The following DMXL2 variants were observed in gnomAD, a reference collection of about 807,000 sequenced individuals.
DMXL2 encodes the protein dmX-like protein 2.
DMXL2 carries 103 observed loss-of-function variants against 331.1 expected under a neutral mutation model. That is an observed-to-expected ratio of 0.31 (90% CI 0.27 to 0.37). The LOEUF is 0.37. DMXL2 is among the 10% of genes least tolerant of loss of function. The pLI is 1.00. For missense variants in DMXL2, 3,171 were observed against 3,642.9 expected, an observed-to-expected ratio of 0.87 and a Z score of 3.33; for synonymous variants, 1,281 against 1,252.1, an observed-to-expected ratio of 1.02 and a Z score of -0.49.
intron 36 of DMXL2, 31 bp from the exon 37 acceptor site, chr15:51,457,497 C>T (rs2039733290): frequency 1.2e-6 from 2 of 1,608,438 alleles, no homozygotes; most frequent in African/African-American, 2.7e-5. Context: ...TTACTGTGAA[C>T]ATTCCCTTTT....
At chr15:51,562,825 G>A (rs2050051225) in intron 6 of DMXL2, among the ~76,000 whole-genome samples, 1 of 152,158 alleles carries the variant, frequency 6.6e-6, no homozygotes. Context: ...TATATTAGAT[G>A]TGAAGATGAT....
intron 6 of DMXL2, among the ~76,000 whole-genome samples, chr15:51,547,928 C>T (rs572355880): frequency 6.6e-6 from 1 of 152,202 alleles, no homozygotes; most frequent in Non-Finnish European, 1.5e-5. Context: ...AGGTCTATGA[C>T]ACAGATTCTT....
intron 6 of DMXL2, among the ~76,000 whole-genome samples, chr15:51,563,106 C>CA (rs2050070126): frequency 6.6e-6 from 1 of 152,110 alleles, no homozygotes; most frequent in Non-Finnish European, 1.5e-5. Flanking sequence ...AAGTTATGTA[C>CA]ATATGCTATT....
rs576660847 is a variant in DMXL2, at chr15:51,551,111, CA to C, written c.568-3704del. ...TTAACAGAAGCAGAACAGATTGTAC[CA>C]AAAAAAAAAAAACTGCCCAACATTC... On this transcript the variant is annotated intron_variant, in intron 6 of 43. Coordinates refer to ENST00000560891, the MANE Select transcript of DMXL2 (RefSeq NM_001378457.1). 2.2e-3 allele frequency among the ~76,000 whole-genome samples: 287 copies of C among 132,866 alleles called. 1 individual carries two copies. Among genetic ancestry groups the C allele is most frequent in the African/African-American group, 5.1e-3 (184 of 36,350 alleles). The allele number at this position is 132,866 out of a possible 152,430, so 87.2% of individuals were successfully genotyped here.
intron 2 of DMXL2, 66 bp from the exon 3 acceptor site, chr15:51,568,624 T>A (rs1226979339): frequency 1.0e-6 from 1 of 998,530 alleles, no homozygotes; most frequent in Admixed American, 2.8e-5. Flanking sequence ...TTCCTTTTCA[T>A]AATAATGTAT....
intron 1 of DMXL2, among the ~76,000 whole-genome samples, chr15:51,614,836 T>G (rs1442765622): frequency 6.6e-6 from 1 of 152,228 alleles, no homozygotes; most frequent in Non-Finnish European, 1.5e-5. Context: ...AACAAGATTT[T>G]ATTTGTATTT....
chr15:51,620,836 C>T (rs2054578048), intron 1 of DMXL2, among the ~76,000 whole-genome samples: 1 of 152,170 alleles, frequency 6.6e-6, no homozygotes, highest in Admixed American at 6.5e-5. Flanking sequence ...AGCATAACCA[C>T]ACCTGCACAG....
At chr15:51,506,064 G>T (rs575468965) in intron 16 of DMXL2, among the ~76,000 whole-genome samples, 2 of 152,166 alleles carry the variant, frequency 1.3e-5, no homozygotes, top group African/African-American at 2.4e-5. Context: ...AATCATAATT[G>T]CATTTCTTTT....
intron 4 of DMXL2, among the ~76,000 whole-genome samples, chr15:51,564,593 C>T (rs1307047680): frequency 6.6e-6 from 1 of 151,850 alleles, no homozygotes; most frequent in Non-Finnish European, 1.5e-5. Flanking sequence ...CATAAAATGT[C>T]CTCGAGATAT....
At chr15:51,611,362 T>G (rs2053958608) in intron 1 of DMXL2, among the ~76,000 whole-genome samples, 2 of 152,078 alleles carry the variant, frequency 1.3e-5, no homozygotes, top group African/African-American at 4.8e-5. Flanking sequence ...CTACACAAAA[T>G]AGAATAAATT....
At chr15:51,461,578 T>C (rs2040129572) in intron 33 of DMXL2, among the ~76,000 whole-genome samples, 1 of 152,206 alleles carries the variant, frequency 6.6e-6, no homozygotes, top group East Asian at 1.9e-4. Context: ...AGACAGGGTC[T>C]CACTTTGTTA....
chr15:51,466,417 AG>A, intron 29 of DMXL2, 106 bp from the exon 30 acceptor site: 1 of 384,200 alleles, frequency 2.6e-6, no homozygotes, highest in Non-Finnish European at 3.9e-6. Flanking sequence ...AAATATTTTT[AG>A]TATATAATTA....
At chr15:51,601,289 T>C in intron 1 of DMXL2, among the ~76,000 whole-genome samples, 1 of 40,956 alleles carries the variant, frequency 2.4e-5, no homozygotes, top group Non-Finnish European at 6.4e-5. Context: ...AGACTCCATC[T>C]CAAAAAAAAA....
chr15:51,547,317 G>T lies in DMXL2; in HGVS notation c.659C>A (p.Ser220Tyr). 1.2e-6 allele frequency: 2 copies of T among 1,612,980 alleles called. No individual in the cohort carries two copies. The highest frequency in any genetic ancestry group is 1.7e-6 in the Non-Finnish European group (2 of 1,179,276). ...QDHHEVKRRQSSTQFSFVYLA... is the reference protein window; with the variant it reads ...QDHHEVKRRQYSTQFSFVYLA... ...GTAAACAAAAGAAAATTGAGTAGAGGACTGTCTCCTTTTTACTTCATGATG... is the reference window on the plus strand; with the variant it reads ...GTAAACAAAAGAAAATTGAGTAGAGTACTGTCTCCTTTTTACTTCATGATG... The change falls in exon 7 of 44, where the codon TCC (serine) becomes TAC (tyrosine). Residue 220 changes from serine to tyrosine, a missense_variant. Physicochemically the swap from Ser to Tyr is moderately radical, Grantham distance 144. This residue lies in a region of DMXL2 where 1,674 missense variants were observed against 1,780.2 expected (regional missense o/e 0.94). Transcript: ENST00000560891.
intron 15 of DMXL2, 61 bp from the exon 16 acceptor site, chr15:51,507,314 T>A: frequency 1.3e-6 from 2 of 1,485,864 alleles, no homozygotes; most frequent in African/African-American, 2.8e-5. Context: ...AAAAAAACAC[T>A]TTTTAAAAGC....
At position 51,563,400 on chromosome 15, in the gene DMXL2, T is replaced by C; in HGVS notation, c.548A>G (p.Tyr183Cys). Residue 183 changes from tyrosine (Y) to cysteine (C), a missense_variant, in exon 6 of 44, where the codon TAT becomes TGT. Around this residue, in one of 7 missense-constraint regions of DMXL2, gnomAD observed 1,674 missense variants for 1,780.2 expected, o/e 0.94. Coordinates refer to ENST00000560891, the MANE Select transcript of DMXL2 (RefSeq NM_001378457.1). The stretch of plus-strand genomic sequence containing the variant: ...CTTTACCTTTCCAGCAGTAGCAAAA[T>C]ATTCACCATCAGGAGACCATTCCAT... Reference protein sequence around the residue: ...HLMEWSPDGEYFATAGKDDCL... With the variant: ...HLMEWSPDGECFATAGKDDCL... 3 of 1,608,720 alleles carry C rather than the reference T, an allele frequency of 1.9e-6. No individual in the cohort carries two copies. Among genetic ancestry groups the C allele is most frequent in the Non-Finnish European group, 2.5e-6 (3 of 1,177,796 alleles).
rs1201924395 is a variant in DMXL2 at position 51,542,452 on chromosome 15, A to C, written c.986T>G (p.Val329Gly). 6.2e-7 allele frequency: 1 copy of C among 1,613,852 alleles called. No individual in the cohort carries two copies. The highest frequency in any genetic ancestry group is 1.1e-5 in the South Asian group (1 of 91,074). The stretch of plus-strand genomic sequence containing the variant: ...GTCGGGCATTAATTCAGCATGAGTT[A>C]CAAGAACAGATGACCTCCTCTGTCC... ...RKGQRRSSVL[V>G]THAELMPDQT... The change falls in exon 9 of 44, where the codon GTA (valine) becomes GGA (glycine). Residue 329 changes from valine (V) to glycine (G), a missense_variant. This residue lies in a region of DMXL2 where 1,674 missense variants were observed against 1,780.2 expected (regional missense o/e 0.94). Transcript: ENST00000560891.
intron 2 of DMXL2, among the ~76,000 whole-genome samples, chr15:51,573,296 C>T (rs1410313225): frequency 6.6e-6 from 1 of 152,168 alleles, no homozygotes; most frequent in Non-Finnish European, 1.5e-5. Flanking sequence ...GGGAATTCCT[C>T]AAGGATCTAG....
intron 6 of DMXL2, among the ~76,000 whole-genome samples, chr15:51,554,173 C>T (rs751040364): frequency 4.6e-5 from 7 of 152,196 alleles, no homozygotes; most frequent in Non-Finnish European, 7.3e-5. Context: ...GTATGACTCT[C>T]CAGCAGCTCT....
Sources: gnomAD v4.1 joint callset for allele counts (sites outside exome capture counted in the v4.1 genomes callset) on GRCh38, gnomAD v4.1.1 for gene constraint, gnomAD v4.1.1 regional missense constraint, MANE v1.5 for transcripts, NCBI Gene and HGNC (gene_info 2026-07-23, HGNC 2026-07-21) for gene names.